Variants in ALMS1 observed in about 807,000 individuals in gnomAD.
ALMS1 encodes the protein centrosome-associated protein ALMS1.
A neutral mutation model predicts 352.2 loss-of-function variants in ALMS1; 271 were observed. That is an observed-to-expected ratio of 0.77 (90% CI 0.70 to 0.85). The LOEUF is 0.85. Among genes scored for constraint, ALMS1 ranks in the 40% least tolerant of loss-of-function variants. The probability of loss-of-function intolerance (pLI) is 0.00; values close to 1 mark genes in which losing one functional copy is unlikely to be tolerated. For missense variants in ALMS1, 5,445 were observed against 4,870.7 expected (o/e 1.12, Z -3.51); for synonymous variants, 1,865 against 1,761.2 (o/e 1.06, Z -1.48).
At chr2:73,455,831 T>C (rs1462674978) in intron 9 of ALMS1, among the ~76,000 whole-genome samples, 1 of 151,924 alleles carries the variant, frequency 6.6e-6, no homozygotes, top group Non-Finnish European at 1.5e-5. Context: ...ACTGATTTGC[T>C]TGTTTTATCA....
chr2:73,464,932 A>G (rs1672297246), intron 9 of ALMS1, among the ~76,000 whole-genome samples: 2 of 152,228 alleles, frequency 1.3e-5, no homozygotes, highest in South Asian at 4.1e-4. Context: ...ACCACTGCTC[A>G]ATGAAATAAA....
intron 2 of ALMS1, among the ~76,000 whole-genome samples, chr2:73,417,554 G>A (rs180876047): frequency 6.6e-6 from 1 of 152,096 alleles, no homozygotes; most frequent in Admixed American, 6.6e-5. Flanking sequence ...TGTAAGAAAT[G>A]TGAACATGTT....
intron 7 of ALMS1, among the ~76,000 whole-genome samples, chr2:73,439,649 T>A (rs1010834311): frequency 3.3e-5 from 5 of 152,030 alleles, no homozygotes; most frequent in African/African-American, 1.2e-4. Flanking sequence ...CAAGCGATTC[T>A]CCTGCCTCAG....
Position 73,419,300 on chromosome 2 carries a change from T to A in ALMS1, c.628T>A (p.Phe210Ile). The A allele has an allele frequency of 6.2e-7, 1 of 1,608,994 alleles. No individual in the cohort carries two copies. The highest frequency in any genetic ancestry group is 2.2e-5 in the East Asian group (1 of 44,812). Residue 210 changes from phenylalanine (F) to isoleucine (I), a missense_variant, in exon 3 of 23, where the codon TTC (phenylalanine) becomes ATC (isoleucine). Coordinates refer to ENST00000613296, the MANE Select transcript of ALMS1 (RefSeq NM_001378454.1). ...AGTAAAGGAACCCAACAGAGATCTC[T>A]TCTGTTCTCCACTGCTAGGTAATGC... ...NQVKEPNRDL[F>I]CSPLLVIQDS...
In ALMS1 at chr2:73,422,978, G is replaced by A. The variant is rs1167438151; in HGVS notation, c.764+4G>A. 3.1e-6 allele frequency: 5 copies of A among 1,595,626 alleles called. No individual in the cohort carries two copies. The highest frequency in any genetic ancestry group is 1.7e-4 in the Middle Eastern group (1 of 6,044). ...AACTAAGTTTTGCACCTCTGAGGTA[G>A]GATGATTTATTTGCATGTAACCTTT... is the stretch of plus-strand genomic sequence containing the variant. On this transcript the variant is annotated splice_donor_region_variant and intron_variant, in intron 4 of 22. Transcript: ENST00000613296.
In ALMS1 at chr2:73,451,055, G is replaced by A. The variant is rs1558649489; in HGVS notation, c.4528G>A (p.Gly1510Ser). 6.2e-7 allele frequency: 1 copy of A among 1,613,864 alleles called. No individual in the cohort carries two copies. Among genetic ancestry groups the A allele is most frequent in the Non-Finnish European group, 8.5e-7 (1 of 1,179,964 alleles). Residue 1510 changes from glycine (G) to serine (S), a missense_variant, in exon 8 of 23, where the codon GGC becomes AGC. Transcript: ENST00000613296. ...AGTTTCAGTTGCTCCTGGACCAGTTGGCCAGACAACTGGCGCACCAACTAT... is the reference window on the plus strand; with the variant it reads ...AGTTTCAGTTGCTCCTGGACCAGTTAGCCAGACAACTGGCGCACCAACTAT... Reference protein sequence around the residue: ...LKVSVAPGPVGQTTGAPTITS... With the variant: ...LKVSVAPGPVSQTTGAPTITS...
rs145638667 is a variant in ALMS1 at position 73,510,111 on chromosome 2, A to G, written c.9540-9664A>G. 3.2e-4 allele frequency among the ~76,000 whole-genome samples: 49 copies of G among 152,308 alleles called. No individual in the cohort carries two copies. In the East Asian group the frequency reaches 8.9e-3, roughly 28 times the overall value. ...TCTAAACTGGTTATTCTAGTTAGCA[A>G]TTCCTCTAACCTTTTATCAATGTTC... On this transcript the variant is annotated intron_variant, in intron 10 of 22. Coordinates refer to ENST00000613296, the MANE Select transcript of ALMS1 (RefSeq NM_001378454.1).
intron 15 of ALMS1, among the ~76,000 whole-genome samples, chr2:73,567,782 A>G (rs1373955520): frequency 6.6e-6 from 1 of 152,206 alleles, no homozygotes; most frequent in Non-Finnish European, 1.5e-5. Context: ...AGAGATCATA[A>G]AAGTTCTGGT....
intron 10 of ALMS1, among the ~76,000 whole-genome samples, chr2:73,492,400 C>T (rs903664586): frequency 1.3e-5 from 2 of 152,182 alleles, no homozygotes; most frequent in Non-Finnish European, 2.9e-5. Flanking sequence ...GATGATATCT[C>T]TATTTTCCTA....
At chr2:73,554,969 G>A (rs187777709) in intron 13 of ALMS1, among the ~76,000 whole-genome samples, 16 of 152,252 alleles carry the variant, frequency 1.1e-4, no homozygotes, top group African/African-American at 3.9e-4. Context: ...TAAAGGGCAT[G>A]TAAAACTATT....
chr2:73,550,327 A>G lies in ALMS1; in HGVS notation c.9968A>G (p.Asp3323Gly), dbSNP rs1573013147. The G allele has an allele frequency of 1.2e-6, 2 of 1,614,132 alleles. No individual in the cohort carries two copies. The highest frequency in any genetic ancestry group is 1.7e-6 in the Non-Finnish European group (2 of 1,180,012). ...CAGGTGCTAGGCACAAGAGATGATGACCTCTCAGCCACTGTTAACATTAAA... is the reference window on the plus strand; with the variant it reads ...CAGGTGCTAGGCACAAGAGATGATGGCCTCTCAGCCACTGTTAACATTAAA... ...PAQVLGTRDD[D>G]LSATVNIKHK... is the part of the protein sequence containing the mutation. Residue 3323 changes from aspartate (D) to glycine (G), a missense_variant, in exon 13 of 23, where the codon GAC (aspartate) becomes GGC (glycine). Coordinates refer to ENST00000613296, the MANE Select transcript of ALMS1 (RefSeq NM_001378454.1).
intron 16 of ALMS1, among the ~76,000 whole-genome samples, chr2:73,585,132 G>A (rs1320577676): frequency 1.3e-5 from 2 of 152,020 alleles, no homozygotes; most frequent in Non-Finnish European, 2.9e-5. Flanking sequence ...TTTTCCTCTG[G>A]GAAGATACCC....
intron 6 of ALMS1, 73 bp from the exon 7 acceptor site, chr2:73,432,125 G>C (rs376559725): frequency 1.9e-6 from 2 of 1,076,426 alleles, no homozygotes; most frequent in East Asian, 2.4e-5. Flanking sequence ...TCATTTCTTC[G>C]TAGGTGGGTC....
At chr2:73,546,344 G>T (rs892151830) in intron 12 of ALMS1, among the ~76,000 whole-genome samples, 1 of 152,090 alleles carries the variant, frequency 6.6e-6, no homozygotes, top group Non-Finnish European at 1.5e-5. Flanking sequence ...CAATGATCAG[G>T]TTGTTTTGTT....
rs537345016 is a variant in ALMS1, at chr2:73,463,048, C to T, written c.7674+7753C>T. ...CCACTGTCAACATTAGACAGATCAA[C>T]GAGACAGAAAGTTAACAAGGATACC... On this transcript the variant is annotated intron_variant, in intron 9 of 22. Transcript: ENST00000613296. Among the ~76,000 whole-genome samples, 395 of 152,212 alleles carry T rather than the reference C, an allele frequency of 2.6e-3. 4 individuals carry two copies. The highest frequency in any genetic ancestry group is 8.6e-3 in the African/African-American group (359 of 41,526).
rs1430282707 is a variant in ALMS1 at position 73,448,480 on chromosome 2, T to C, written c.1953T>C (p.Ala651=). The change falls in exon 8 of 23, where the codon GCT becomes GCC. Residue 651 remains alanine, a synonymous_variant. Transcript: ENST00000613296. ...AAGAGCCTTTGGAAGTTTCAGCTGC[T>C]CCTGGCCCAGTGGAGCAGAAGACGG... The part of the protein sequence containing the change: ...LTEEPLEVSA[A]PGPVEQKTGI... 6.2e-7 allele frequency: 1 copy of C among 1,613,792 alleles called. No individual in the cohort carries two copies. Among genetic ancestry groups the C allele is most frequent in the Admixed American group, 1.7e-5 (1 of 59,970 alleles).
At chr2:73,533,779 A>G (rs899841788) in intron 11 of ALMS1, among the ~76,000 whole-genome samples, 3 of 152,244 alleles carry the variant, frequency 2.0e-5, no homozygotes, top group South Asian at 2.1e-4. Context: ...ATTTACCTCT[A>G]TTAGCAATTA....
chr2:73,529,682 G>T (rs1486672209), intron 11 of ALMS1, among the ~76,000 whole-genome samples: 9 of 152,124 alleles, frequency 5.9e-5, no homozygotes, highest in Admixed American at 5.9e-4. Flanking sequence ...ACTTGTAGAG[G>T]TACCACCGTG....
chr2:73,557,357 A>G lies in ALMS1; in HGVS notation c.10213+3A>G, dbSNP rs1553416881. On this transcript the variant is annotated splice_donor_region_variant and intron_variant, in intron 14 of 22. Transcript: ENST00000613296. Reference sequence around the variant, plus strand: ...ATCTTTGCAGAAAGATACTGCAGGTAGCTAAACTGGATTGTCTGCGTATTA... The same window carrying G: ...ATCTTTGCAGAAAGATACTGCAGGTGGCTAAACTGGATTGTCTGCGTATTA... 1.2e-6 allele frequency: 2 copies of G among 1,614,124 alleles called. No homozygotes were observed. Among genetic ancestry groups the G allele is most frequent in the South Asian group, 1.1e-5 (1 of 91,086 alleles).
Sources: gnomAD v4.1 joint callset for allele counts (sites outside exome capture counted in the v4.1 genomes callset) on GRCh38, gnomAD v4.1.1 for gene constraint, MANE v1.5 for transcripts, NCBI Gene and HGNC (gene_info 2026-07-23, HGNC 2026-07-21) for gene names.